The following GADL1 variants were observed in gnomAD, a reference collection of about 807,000 sequenced individuals.
GADL1 encodes the protein acidic amino acid decarboxylase GADL1.
In GADL1, 71 loss-of-function variants were observed where a neutral mutation model predicts 69.5. That is an observed-to-expected ratio of 1.02 (90% CI 0.84 to 1.25). The LOEUF (loss-of-function observed/expected upper bound fraction) is 1.25, where lower values mean the gene tolerates loss of function less well. Ranked by LOEUF, GADL1 falls within the 50% of genes most tolerant of loss-of-function variation. The pLI, the probability that GADL1 is intolerant of heterozygous loss-of-function variation, is 0.00. For synonymous variants in GADL1, 254 were observed against 214.4 expected (o/e 1.18, Z -1.62); for missense variants, 737 against 631.8 (o/e 1.17, Z -1.79).
intron 14 of GADL1, among the ~76,000 whole-genome samples, chr3:30,769,339 G>GT (rs1696361728): frequency 6.6e-6 from 1 of 152,104 alleles, no homozygotes; most frequent in Non-Finnish European, 1.5e-5. Flanking sequence ...ATCCTTATCT[G>GT]TTAGGATAGG....
At chr3:30,773,538 T>A (rs80199699) in intron 14 of GADL1, among the ~76,000 whole-genome samples, 1 of 152,168 alleles carries the variant, frequency 6.6e-6, no homozygotes, top group Non-Finnish European at 1.5e-5. Context: ...GTATTTTACA[T>A]GTACTTAAGT....
At position 30,788,423 on chromosome 3, in the gene GADL1, A is replaced by G. The variant is rs112892429; in HGVS notation, c.1251-2017T>C. Among the ~76,000 whole-genome samples, 453 of 152,302 alleles carry G rather than the reference A, an allele frequency of 3.0e-3. 2 individuals carry two copies. Among genetic ancestry groups the G allele is most frequent in the Non-Finnish European group, 4.9e-3 (335 of 68,026 alleles). ...CCGTGACTAAAAATACCTTATTGCT[A>G]AAAAGCGCTAAGGATTATCTGAGAC... On this transcript the variant is annotated intron_variant, in intron 12 of 14. Transcript: ENST00000282538.
At chr3:30,763,610 GAT>G (rs1559492100) in intron 14 of GADL1, among the ~76,000 whole-genome samples, 4 of 152,124 alleles carry the variant, frequency 2.6e-5, no homozygotes, top group African/African-American at 9.7e-5. Context: ...CTCAGACTTA[GAT>G]GATTTTGCCC....
At chr3:30,872,189 T>G (rs918153996) in intron 1 of GADL1, among the ~76,000 whole-genome samples, 1 of 151,940 alleles carries the variant, frequency 6.6e-6, no homozygotes, top group African/African-American at 2.4e-5. Flanking sequence ...AAAATTTGAC[T>G]TAACATAGCC....
intron 11 of GADL1, among the ~76,000 whole-genome samples, chr3:30,832,100 C>A (rs199839879): frequency 6.6e-6 from 1 of 151,642 alleles, no homozygotes; most frequent in Admixed American, 6.6e-5. Flanking sequence ...AAACCAGGTA[C>A]AAAAGAGATA....
intron 11 of GADL1, among the ~76,000 whole-genome samples, chr3:30,833,269 T>A (rs1481047286): frequency 6.6e-6 from 1 of 152,018 alleles, no homozygotes; most frequent in Non-Finnish European, 1.5e-5. Context: ...GAGCCTCAAC[T>A]TTTTTTCCAC....
chr3:30,778,219 T>C lies in GADL1; in HGVS notation c.1352A>G (p.Glu451Gly). 6.2e-7 allele frequency: 1 copy of C among 1,612,584 alleles called. No individual in the cohort carries two copies. The highest frequency in any genetic ancestry group is 8.5e-7 in the Non-Finnish European group (1 of 1,178,784). The change falls in exon 14 of 15, where the codon GAG becomes GGG. Residue 451 changes from glutamate (E) to glycine (G), a missense_variant. Coordinates refer to ENST00000282538, the MANE Select transcript of GADL1 (RefSeq NM_207359.3). The part of the protein sequence containing the change: ...CFWYIPPSLR[E>G]MEEGPEFWAK... ...CCAGAACTCGGGTCCTTCTTCCATC[T>C]CTCTGAGGCTCGGTGGAATGTACCA...
chr3:30,756,747 T>G, intron 14 of GADL1, among the ~76,000 whole-genome samples: 1 of 152,248 alleles, frequency 6.6e-6, no homozygotes. Flanking sequence ...TGTCCACCCT[T>G]CAGCAGCAAA....
chr3:30,730,274 T>C (rs1559481623), intron 14 of GADL1, among the ~76,000 whole-genome samples: 1 of 151,992 alleles, frequency 6.6e-6, no homozygotes, highest in East Asian at 1.9e-4. Context: ...TAAAATCTAG[T>C]AAAAAAATAT....
At chr3:30,824,313 C>T (rs1280531395) in intron 11 of GADL1, among the ~76,000 whole-genome samples, 1 of 150,258 alleles carries the variant, frequency 6.7e-6, no homozygotes, top group Non-Finnish European at 1.5e-5. Flanking sequence ...AAAATATCAC[C>T]AAAGTATTGA....
At chr3:30,825,649 G>T (rs1697668634) in intron 11 of GADL1, among the ~76,000 whole-genome samples, 1 of 136,752 alleles carries the variant, frequency 7.3e-6, no homozygotes, top group Non-Finnish European at 1.6e-5. Context: ...CGATAAAAGA[G>T]AAGGCCTTAA....
At chr3:30,796,982 T>G (rs1697046501) in intron 12 of GADL1, among the ~76,000 whole-genome samples, 1 of 152,202 alleles carries the variant, frequency 6.6e-6, no homozygotes, top group Non-Finnish European at 1.5e-5. Flanking sequence ...CAATTCTTCC[T>G]GCTAAAAGGC....
chr3:30,765,415 TAA>T, intron 14 of GADL1, among the ~76,000 whole-genome samples: 1 of 152,298 alleles, frequency 6.6e-6, no homozygotes, highest in Non-Finnish European at 1.5e-5. Context: ...AATAAGCATA[TAA>T]GTTGCCCAAA....
chr3:30,831,310 A>G (rs1697788284), intron 11 of GADL1, among the ~76,000 whole-genome samples: 1 of 151,916 alleles, frequency 6.6e-6, no homozygotes, highest in Non-Finnish European at 1.5e-5. Flanking sequence ...AGTTTCTAAA[A>G]TAATTTTTTT....
intron 11 of GADL1, among the ~76,000 whole-genome samples, chr3:30,808,949 CCT>C (rs1235677167): frequency 2.6e-5 from 4 of 152,188 alleles, no homozygotes; most frequent in African/African-American, 9.6e-5. Context: ...TTCTGTGTAA[CCT>C]CTGTTTTCCC....
intron 11 of GADL1, among the ~76,000 whole-genome samples, chr3:30,822,307 G>A (rs1313870203): frequency 6.6e-6 from 1 of 152,054 alleles, no homozygotes; most frequent in Non-Finnish European, 1.5e-5. Flanking sequence ...AGATGAGGGA[G>A]GAGGTGTTGC....
At position 30,869,052 on chromosome 3, in the gene GADL1, A is replaced by T. The variant is rs1053726331; in HGVS notation, c.38-7287T>A. ...TAATAAATTAATAAGAGCCTCACCC[A>T]GCCTGGTGCCTGTGGATACAGAAGT... On this transcript the variant is annotated intron_variant, in intron 1 of 14. Coordinates refer to ENST00000282538, the MANE Select transcript of GADL1 (RefSeq NM_207359.3). Among the ~76,000 whole-genome samples, 62 of 147,394 alleles carry T rather than the reference A, an allele frequency of 4.2e-4. 1 individual carries two copies. The highest frequency in any genetic ancestry group is 1.4e-3 in the African/African-American group (56 of 39,208).
intron 10 of GADL1, 117 bp from the exon 11 acceptor site, chr3:30,834,051 T>C: frequency 3.3e-6 from 3 of 907,102 alleles, no homozygotes; most frequent in Admixed American, 2.0e-5. Context: ...TACTGTTCTA[T>C]AGAACTCCTT....
intron 11 of GADL1, among the ~76,000 whole-genome samples, chr3:30,812,053 T>A (rs1449057113): frequency 6.6e-6 from 1 of 152,200 alleles, no homozygotes; most frequent in South Asian, 2.1e-4. Flanking sequence ...TCTGATAACA[T>A]AAACCAGGGT....
Sources: allele counts gnomAD v4.1 joint callset (sites outside exome capture counted in the v4.1 genomes callset), GRCh38; gene constraint gnomAD v4.1.1; transcripts MANE v1.5; gene names NCBI Gene and HGNC (gene_info 2026-07-23, HGNC 2026-07-21).